SRSF10: variants seen among roughly 807,000 people sequenced by gnomAD.
SRSF10 encodes serine/arginine-rich splicing factor 10.
In SRSF10, 9 loss-of-function variants were observed where a neutral mutation model predicts 32.6. The observed-to-expected ratio is 0.28, with a 90% CI of 0.17 to 0.48. The LOEUF (loss-of-function observed/expected upper bound fraction) is 0.48, where lower values mean the gene tolerates loss of function less well. SRSF10 is among the 20% of genes least tolerant of loss of function. The pLI, the probability that SRSF10 is intolerant of heterozygous loss-of-function variation, is 0.99. For synonymous variants in SRSF10, 105 were observed against 112.4 expected (o/e 0.93, Z 0.42); for missense variants, 201 against 331.8 (o/e 0.61, Z 3.06).
At chr1:23,977,302 CG>C (rs1642152511) in intron 2 of SRSF10, 1 of 152,124 alleles carries the variant, frequency 6.6e-6, no homozygotes, top group East Asian at 1.9e-4. Context: ...CTGAAAGGAA[CG>C]GAAGTAAGGT....
chr1:23,975,304 T>G (rs1247370295), intron 2 of SRSF10: 1 of 471,974 alleles, frequency 2.1e-6, no homozygotes, highest in Non-Finnish European at 3.8e-6. Context: ...GAATACATAT[T>G]GCAGTAAAGT....
chr1:23,973,603 G>A lies in SRSF10; in HGVS notation c.274+1371C>T, dbSNP rs537139069. On this transcript the variant is annotated intron_variant, in intron 3 of 5. Transcript: ENST00000492112. The stretch of plus-strand genomic sequence containing the variant: ...CCCAAAGTGGTGGGATTACAGGCGT[G>A]AGCTACCACACCCACATATTTTACA... 9.8e-3 allele frequency among the ~76,000 whole-genome samples: 1,493 copies of A among 152,186 alleles called. 14 individuals are homozygous for A. The highest frequency in any genetic ancestry group is 0.027 in the Middle Eastern group (8 of 294).
chr1:23,969,029 T>C lies in SRSF10; in HGVS notation c.*2113A>G, dbSNP rs1483583597. 1.3e-5 allele frequency: 10 copies of C among 778,460 alleles called. No individual in the cohort carries two copies. The highest frequency in any genetic ancestry group is 1.9e-5 in the African/African-American group (1 of 53,160). 48.2% of individuals were successfully genotyped at this position (778,460 alleles called of 1,614,324 possible). On this transcript the variant is annotated 3_prime_UTR_variant, in exon 6 of 6. Coordinates refer to ENST00000492112, the MANE Select transcript of SRSF10 (RefSeq NM_054016.4). ...CTAAATCTATAAAGGACTGTTTCCA[T>C]TGTTATTTTAGAATCATATTCAATA...
rs988562034 is a variant in SRSF10 at position 23,968,064 on chromosome 1, C to A, written c.*3078G>T. On this transcript the variant is annotated 3_prime_UTR_variant, in exon 6 of 6. Transcript: ENST00000492112. The stretch of plus-strand genomic sequence containing the variant: ...TAACCATTCTATTTATCATTGAGCC[C>A]AGTCATACACAGTAGGTAAACTCAG... 2 of 1,501,746 alleles carry A rather than the reference C, an allele frequency of 1.3e-6. No individual in the cohort carries two copies. The highest frequency in any genetic ancestry group is 2.8e-5 in the African/African-American group (2 of 71,362). The allele number at this position is 1,501,746 out of a possible 1,614,324, so 93.0% of individuals were successfully genotyped here. A position where few individuals can be genotyped will look rare whatever the true frequency, so the allele number is the denominator to read the frequency against.
Position 23,971,096 on chromosome 1 carries a change from G to C in SRSF10, c.*46C>G. The stretch of plus-strand genomic sequence containing the variant: ...TGATAATTTAAGTAAACCAAACTAT[G>C]AGTAAATGAATGATACATGCCTAAA... On this transcript the variant is annotated 3_prime_UTR_variant, in exon 6 of 6. Coordinates refer to ENST00000492112, the MANE Select transcript of SRSF10 (RefSeq NM_054016.4). 1 of 1,535,632 alleles carries C rather than the reference G, an allele frequency of 6.5e-7. No individual in the cohort carries two copies. The highest frequency in any genetic ancestry group is 1.3e-5 in the South Asian group (1 of 76,904).
At chr1:23,978,889 G>T in intron 1 of SRSF10, 72 bp from the exon 2 acceptor site, 2 of 1,347,036 alleles carry the variant, frequency 1.5e-6, no homozygotes, top group Non-Finnish European at 2.0e-6. Context: ...ATATCTTTTT[G>T]ATGAAGGAAA....
chr1:23,969,937 A>C lies in SRSF10; in HGVS notation c.*1205T>G, dbSNP rs1298316490. The C allele has an allele frequency of 2.0e-6, 2 of 985,240 alleles. No homozygotes were observed. The highest frequency in any genetic ancestry group is 2.4e-6 in the Non-Finnish European group (2 of 829,932). The allele number at this position is 985,240 out of a possible 1,614,324, so 61.0% of individuals were successfully genotyped here. ...GTGTGAAAAGCAGGCCTCCCTCATA[A>C]AGAGGCAGGCAAATTTTGATACAAA... On this transcript the variant is annotated 3_prime_UTR_variant, in exon 6 of 6. Coordinates refer to ENST00000492112, the MANE Select transcript of SRSF10 (RefSeq NM_054016.4).
chr1:23,967,201 A>G lies in SRSF10; in HGVS notation c.*3941T>C, dbSNP rs1641496554. 1 of 155,350 alleles carries G rather than the reference A, an allele frequency of 6.4e-6. No individual in the cohort carries two copies. The highest frequency in any genetic ancestry group is 2.4e-5 in the African/African-American group (1 of 41,484). 9.6% of individuals were successfully genotyped at this position (155,350 alleles called of 1,614,324 possible). A position where few individuals can be genotyped will look rare whatever the true frequency, so the allele number is the denominator to read the frequency against. On this transcript the variant is annotated 3_prime_UTR_variant, in exon 6 of 6. Transcript: ENST00000492112. ...AAGTAAATAAACACAGATGCCAACA[A>G]AGCAAATGATTAAGCAGAAAACACT...
In SRSF10 at chr1:23,966,461, AAGTT is replaced by A. The variant is rs1641455285; in HGVS notation, c.*4677_*4680del. The A allele has an allele frequency of 2.6e-5, 4 of 152,006 alleles. No individual in the cohort carries two copies. The South Asian group carries it at 8.3e-4, about 31-fold the overall frequency. The allele number at this position is 152,006 out of a possible 1,614,324, so 9.4% of individuals were successfully genotyped here. A position where few individuals can be genotyped will look rare whatever the true frequency, so the allele number is the denominator to read the frequency against. ...TCCAAAACATTTTGTGATACTATAA[AAGTT>A]ATTTATTCGCTATACACAGAACATG... is the stretch of plus-strand genomic sequence containing the variant. On this transcript the variant is annotated 3_prime_UTR_variant, in exon 6 of 6. Transcript: ENST00000492112.
rs1641524901 is a variant in SRSF10, at chr1:23,967,837, GAAT to G, written c.*3302_*3304del. On this transcript the variant is annotated 3_prime_UTR_variant, in exon 6 of 6. Transcript: ENST00000492112. ...AGCTTACTGGGCCAAATTTTCAAGA[GAAT>G]AATACAATAGTTCCCAGGTCTTTCC... 5.8e-6 allele frequency: 9 copies of G among 1,561,250 alleles called. No homozygotes were observed. In the Admixed American group the frequency reaches 1.2e-4, roughly 20 times the overall value.
chr1:23,973,990 CT>C (rs1390465096), intron 3 of SRSF10, among the ~76,000 whole-genome samples: 4 of 87,620 alleles, frequency 4.6e-5, no homozygotes, highest in African/African-American at 1.8e-4. Context: ...TCCTCAGCAG[CT>C]ATTTTTTTTT....
intron 2 of SRSF10, chr1:23,977,431 C>G (rs1182983085): frequency 6.6e-6 from 1 of 152,272 alleles, no homozygotes; most frequent in African/African-American, 2.4e-5. Flanking sequence ...TAAAGCAGCG[C>G]AGGGCCAGCA....
intron 3 of SRSF10, 40 bp from the exon 4 acceptor site, chr1:23,972,052 A>G (rs894987532): frequency 7.6e-6 from 11 of 1,438,346 alleles, no homozygotes; most frequent in Non-Finnish European, 9.1e-6. Context: ...AAAATATTAA[A>G]AACAGTATTA....
At chr1:23,979,401 T>C (rs1350226134) in intron 1 of SRSF10, among the ~76,000 whole-genome samples, 1 of 152,176 alleles carries the variant, frequency 6.6e-6, no homozygotes, top group Non-Finnish European at 1.5e-5. Flanking sequence ...AACCACTTAT[T>C]TTCTGTGTGT....
rs1002004605 is a variant in SRSF10, at chr1:23,966,132, A to C, written c.*5010T>G. 8.5e-5 allele frequency: 13 copies of C among 152,078 alleles called. No homozygotes were observed. In the East Asian group the frequency reaches 2.5e-3, roughly 29 times the overall value. The allele number at this position is 152,078 out of a possible 1,614,324, so 9.4% of individuals were successfully genotyped here. On this transcript the variant is annotated 3_prime_UTR_variant, in exon 6 of 6. Transcript: ENST00000492112. Reference sequence around the variant, plus strand: ...AAACATGGTAACAAAAGATGAAACAAGTGAAAAATTATGGGCTGTAACCTA... The same window carrying C: ...AAACATGGTAACAAAAGATGAAACACGTGAAAAATTATGGGCTGTAACCTA...
At chr1:23,979,266 T>TA (rs1642294012) in intron 1 of SRSF10, among the ~76,000 whole-genome samples, 1 of 152,114 alleles carries the variant, frequency 6.6e-6, no homozygotes, top group South Asian at 2.1e-4. Flanking sequence ...GATGCTAACG[T>TA]AACTATTAGA....
At position 23,970,888 on chromosome 1, in the gene SRSF10, T is replaced by C. The variant is rs1641716132; in HGVS notation, c.*254A>G. 21 of 1,196,798 alleles carry C rather than the reference T, an allele frequency of 1.8e-5. No homozygotes were observed. The South Asian group carries it at 6.7e-4, about 38-fold the overall frequency. The allele number at this position is 1,196,798 out of a possible 1,614,324, so 74.1% of individuals were successfully genotyped here. Reference sequence around the variant, plus strand: ...ATCTTTTCACCAAATACTTCAAGCATAAAAAATGAGAATCTTTACAAAAAT... The same window carrying C: ...ATCTTTTCACCAAATACTTCAAGCACAAAAAATGAGAATCTTTACAAAAAT... On this transcript the variant is annotated 3_prime_UTR_variant, in exon 6 of 6. Coordinates refer to ENST00000492112, the MANE Select transcript of SRSF10 (RefSeq NM_054016.4).
At chr1:23,979,439 C>T (rs1642313871) in intron 1 of SRSF10, among the ~76,000 whole-genome samples, 1 of 151,566 alleles carries the variant, frequency 6.6e-6, no homozygotes, top group African/African-American at 2.4e-5. Flanking sequence ...AATAAAAAGC[C>T]TCATCTTGTA....
chr1:23,978,337 T>C (rs1642209362), intron 2 of SRSF10: 6 of 994,454 alleles, frequency 6.0e-6, no homozygotes, highest in African/African-American at 3.5e-5. Context: ...CTCATTGTTA[T>C]ACAATTTGTT....
Sources: allele counts gnomAD v4.1 joint callset (sites outside exome capture counted in the v4.1 genomes callset), GRCh38; gene constraint gnomAD v4.1.1; transcripts MANE v1.5; gene names NCBI Gene and HGNC (gene_info 2026-07-23, HGNC 2026-07-21).